ITGA8: variants seen among roughly 807,000 people sequenced by gnomAD.
ITGA8 encodes the protein integrin subunit alpha 8, also known as integrin alpha-8.
A neutral mutation model predicts 142.3 loss-of-function variants in ITGA8; 91 were observed. That is an observed-to-expected ratio of 0.64 (90% confidence interval 0.54 to 0.76). The LOEUF is 0.76. ITGA8 is among the 30% of genes least tolerant of loss of function. ITGA8 has a pLI of 0.00. For missense variants in ITGA8, 1,406 were observed against 1,327.7 expected, an observed-to-expected ratio of 1.06 and a Z score of -0.92; for synonymous variants, 505 against 485.2, an observed-to-expected ratio of 1.04 and a Z score of -0.54.
intron 13 of ITGA8, among the ~76,000 whole-genome samples, chr10:15,632,584 C>A (rs1833703145): frequency 1.3e-5 from 2 of 152,236 alleles, no homozygotes; most frequent in Admixed American, 6.5e-5. Context: ...AGTGACTGGG[C>A]AGAAGCAGGT....
chr10:15,604,484 A>G, intron 19 of ITGA8, 129 bp from the exon 20 acceptor site: 1 of 618,262 alleles, frequency 1.6e-6, no homozygotes, highest in Non-Finnish European at 2.6e-6. Flanking sequence ...ACCATCATGA[A>G]GAGATGGTAG....
intron 24 of ITGA8, 103 bp from the exon 25 acceptor site, chr10:15,572,472 T>C: frequency 9.3e-7 from 1 of 1,076,116 alleles, no homozygotes; most frequent in Non-Finnish European, 1.3e-6. Context: ...GTATTATTGG[T>C]TTTAAGTCAT....
intron 8 of ITGA8, among the ~76,000 whole-genome samples, 182 bp downstream of exon 8, chr10:15,671,421 A>C (rs1268534017): frequency 1.3e-5 from 2 of 152,184 alleles, no homozygotes; most frequent in African/African-American, 4.8e-5. Context: ...ATTCTTACAA[A>C]ATTCTTTCAG....
chr10:15,567,438 G>C (rs1834099787), intron 25 of ITGA8, among the ~76,000 whole-genome samples: 1 of 152,148 alleles, frequency 6.6e-6, no homozygotes, highest in Non-Finnish European at 1.5e-5. Flanking sequence ...GATTGCTTTG[G>C]ATGCTGCAGA....
chr10:15,531,132 G>T lies in ITGA8; in HGVS notation c.2900C>A (p.Ala967Asp), dbSNP rs755327392. Reference protein sequence around the residue: ...TFLQRKNDPYALASLVSFEVK... With the variant: ...TFLQRKNDPYDLASLVSFEVK... ...TTCAAAGGACACCAGGGATGCAAGA[G>T]CATAGGGATCATTTTTTCTCTGAAA... Residue 967 changes from alanine to aspartate, a missense_variant, in exon 28 of 30, where the codon GCT (alanine) becomes GAT (aspartate). Physicochemically the swap from Ala to Asp is moderately radical, Grantham distance 126. Transcript: ENST00000378076. 5.3e-6 allele frequency: 8 copies of T among 1,520,514 alleles called. No individual in the cohort carries two copies. The South Asian group carries it at 1.1e-4, about 21-fold the overall frequency. 94.2% of individuals were successfully genotyped at this position (1,520,514 alleles called of 1,614,324 possible). A position where few individuals can be genotyped will look rare whatever the true frequency, so the allele number is the denominator to read the frequency against.
At chr10:15,617,119 C>T (rs1833408202) in intron 13 of ITGA8, among the ~76,000 whole-genome samples, 1 of 152,150 alleles carries the variant, frequency 6.6e-6, no homozygotes, top group Non-Finnish European at 1.5e-5. Context: ...CAACAGCAAT[C>T]CTAATAAATA....
intron 28 of ITGA8, among the ~76,000 whole-genome samples, chr10:15,522,694 T>C (rs1833092921): frequency 6.6e-6 from 1 of 152,196 alleles, no homozygotes. Context: ...AGGCAATGGA[T>C]CTTTCCTCTC....
intron 20 of ITGA8, among the ~76,000 whole-genome samples, chr10:15,600,502 T>A (rs983237436): frequency 5.9e-5 from 9 of 152,144 alleles, no homozygotes; most frequent in Non-Finnish European, 1.3e-4. Flanking sequence ...TCCGTGTCAT[T>A]ACAGGAATGG....
chr10:15,567,624 G>A (rs541484769), intron 25 of ITGA8, among the ~76,000 whole-genome samples: 6 of 152,282 alleles, frequency 3.9e-5, no homozygotes, highest in South Asian at 2.1e-4. Flanking sequence ...AACTATCACC[G>A]GAGAAACAGG....
intron 13 of ITGA8, among the ~76,000 whole-genome samples, chr10:15,619,996 G>A (rs1312605305): frequency 6.6e-6 from 1 of 152,204 alleles, no homozygotes; most frequent in East Asian, 1.9e-4. Context: ...CTCTGGAAAT[G>A]GCAAAGAAAA....
chr10:15,587,067 C>A (rs541190121), intron 22 of ITGA8, among the ~76,000 whole-genome samples: 1 of 152,102 alleles, frequency 6.6e-6, no homozygotes, highest in African/African-American at 2.4e-5. Flanking sequence ...AGACTACAGG[C>A]GTGTGCCACC....
chr10:15,522,299 G>C (rs1028594876), intron 28 of ITGA8, among the ~76,000 whole-genome samples: 1 of 152,162 alleles, frequency 6.6e-6, no homozygotes, highest in African/African-American at 2.4e-5. Context: ...TATTTCTCTT[G>C]TTATGTACCC....
rs148196159 is a variant in ITGA8, at chr10:15,684,090, G to T, written c.482C>A (p.Pro161Gln). 6.4e-4 allele frequency: 1,038 copies of T among 1,614,006 alleles called. 2 individuals are homozygous for T. Among genetic ancestry groups the T allele is most frequent in the Non-Finnish European group, 7.3e-4 (865 of 1,179,932 alleles). ...APLYHWRTLK[P>Q]TPEKDPVGTC... Reference sequence around the variant, plus strand: ...GCCAACTGGGTCCTTTTCTGGTGTCGGTTTAAGAGTTCTCCAGTGATATAA... The same window carrying T: ...GCCAACTGGGTCCTTTTCTGGTGTCTGTTTAAGAGTTCTCCAGTGATATAA... Residue 161 changes from proline to glutamine, a missense_variant, in exon 4 of 30, where the codon CCG becomes CAG. Pro to Gln is a moderately conservative substitution (Grantham distance 76, BLOSUM62 -1). Transcript: ENST00000378076.
At chr10:15,667,392 A>G (rs1224123011) in intron 8 of ITGA8, among the ~76,000 whole-genome samples, 2 of 151,780 alleles carry the variant, frequency 1.3e-5, no homozygotes, top group Admixed American at 1.3e-4. Context: ...TATTGCGTCT[A>G]TTTGATTCTT....
At chr10:15,529,071 C>A (rs552291777) in intron 28 of ITGA8, among the ~76,000 whole-genome samples, 36 of 150,932 alleles carry the variant, frequency 2.4e-4, no homozygotes, top group African/African-American at 7.8e-4. Context: ...TTCCTTTCTT[C>A]CTTTCTTCCT....
intron 27 of ITGA8, among the ~76,000 whole-genome samples, chr10:15,535,524 T>C (rs1017296367): frequency 3.3e-5 from 5 of 152,014 alleles, no homozygotes; most frequent in Non-Finnish European, 5.9e-5. Flanking sequence ...TAGCTCAGGG[T>C]TTGTGAATGC....
rs1835531110 is a variant in ITGA8, at chr10:15,719,833, A to AT, written c.-63_-62insA. On this transcript the variant is annotated 5_prime_UTR_variant, in exon 1 of 30. The change creates a new upstream start codon in the 5' untranslated region. Transcript: ENST00000378076. Reference sequence around the variant, plus strand: ...CGCGAGCCGAGGACCCCTGCGGGGCAAGGGGGGCTGGTGGAATCTGGCGGT... The same window carrying AT: ...CGCGAGCCGAGGACCCCTGCGGGGCATAGGGGGGCTGGTGGAATCTGGCGGT... 4 of 1,220,652 alleles carry AT rather than the reference A, an allele frequency of 3.3e-6. No individual in the cohort carries two copies. Among genetic ancestry groups the AT allele is most frequent in the African/African-American group, 1.6e-5 (1 of 62,478 alleles). 75.6% of individuals were successfully genotyped at this position (1,220,652 alleles called of 1,614,324 possible).
At chr10:15,606,545 G>A in intron 17 of ITGA8, 123 bp from the exon 18 acceptor site, 2 of 951,160 alleles carry the variant, frequency 2.1e-6, no homozygotes, top group South Asian at 1.7e-5. Context: ...AATTATCTTT[G>A]CAGCAGGCTT....
intron 27 of ITGA8, among the ~76,000 whole-genome samples, chr10:15,539,936 C>G (rs983219990): frequency 6.6e-6 from 1 of 152,126 alleles, no homozygotes; most frequent in African/African-American, 2.4e-5. Context: ...TTGTAAGTCT[C>G]ATGAGATCTG....
Sources: gnomAD v4.1 joint callset for allele counts (sites outside exome capture counted in the v4.1 genomes callset) on GRCh38, gnomAD v4.1.1 for gene constraint, MANE v1.5 for transcripts, NCBI Gene and HGNC (gene_info 2026-07-23, HGNC 2026-07-21) for gene names.